The following SLC9A9 variants were observed in gnomAD, a reference collection of about 807,000 sequenced individuals.
SLC9A9 encodes sodium/hydrogen exchanger 9.
A neutral mutation model predicts 77.8 loss-of-function variants in SLC9A9; 62 were observed. The observed-to-expected ratio is 0.80, with a 90% CI of 0.65 to 0.98. The LOEUF is 0.98. SLC9A9 is among the 50% of genes least tolerant of loss of function. The pLI, the probability that SLC9A9 is intolerant of heterozygous loss-of-function variation, is 0.00. For synonymous variants in SLC9A9, 320 were observed against 283.5 expected (o/e 1.13, Z -1.29); for missense variants, 775 against 774.9 (o/e 1.00, Z 0.00).
intron 9 of SLC9A9, among the ~76,000 whole-genome samples, chr3:143,511,961 A>G (rs1247657286): frequency 6.6e-6 from 1 of 152,212 alleles, no homozygotes; most frequent in Non-Finnish European, 1.5e-5. Flanking sequence ...CCTTGTGGTA[A>G]ATCAAACTGA....
At chr3:143,801,865 A>G (rs1457423687) in intron 2 of SLC9A9, among the ~76,000 whole-genome samples, 1 of 152,140 alleles carries the variant, frequency 6.6e-6, no homozygotes, top group Non-Finnish European at 1.5e-5. Flanking sequence ...CTGCACCACC[A>G]TGCTGTTATA....
At chr3:143,565,788 C>T (rs552094190) in intron 8 of SLC9A9, among the ~76,000 whole-genome samples, 4 of 151,992 alleles carry the variant, frequency 2.6e-5, no homozygotes, top group South Asian at 2.1e-4. Context: ...GTTGGATTCA[C>T]CTGGTTCTGT....
intron 12 of SLC9A9, among the ~76,000 whole-genome samples, chr3:143,425,758 G>C (rs2034393179): frequency 6.6e-6 from 1 of 152,146 alleles, no homozygotes; most frequent in East Asian, 1.9e-4. Flanking sequence ...GATAGCCTCT[G>C]ACAAGGCCTT....
intron 13 of SLC9A9, among the ~76,000 whole-genome samples, chr3:143,380,870 C>T (rs1292278435): frequency 6.6e-6 from 1 of 152,178 alleles, no homozygotes; most frequent in East Asian, 1.9e-4. Flanking sequence ...CCAGTTGTGC[C>T]TCATTGATGG....
At chr3:143,641,569 A>G (rs1328271866) in intron 6 of SLC9A9, among the ~76,000 whole-genome samples, 1 of 151,458 alleles carries the variant, frequency 6.6e-6, no homozygotes, top group African/African-American at 2.4e-5. Flanking sequence ...AATTTTTTGT[A>G]TTTTTAGTAG....
At chr3:143,286,226 T>C (rs933367361) in intron 14 of SLC9A9, among the ~76,000 whole-genome samples, 2 of 152,178 alleles carry the variant, frequency 1.3e-5, no homozygotes, top group Non-Finnish European at 1.5e-5. Flanking sequence ...AAGAGTGCTT[T>C]CGAAGGAGGG....
intron 9 of SLC9A9, among the ~76,000 whole-genome samples, chr3:143,516,545 G>A (rs931539527): frequency 2.0e-4 from 31 of 151,980 alleles, no homozygotes; most frequent in African/African-American, 7.3e-4. Flanking sequence ...TGGAAAATTC[G>A]GGTATGCAGC....
chr3:143,699,277 A>G (rs1933728894), intron 4 of SLC9A9, among the ~76,000 whole-genome samples: 1 of 152,198 alleles, frequency 6.6e-6, no homozygotes, highest in Non-Finnish European at 1.5e-5. Flanking sequence ...GGTAGAACAG[A>G]AGGCTCCAGT....
chr3:143,349,202 T>C (rs1298843935), intron 14 of SLC9A9, among the ~76,000 whole-genome samples: 1 of 152,196 alleles, frequency 6.6e-6, no homozygotes, highest in Admixed American at 6.5e-5. Context: ...TTTCAGTCCA[T>C]CACTGAGCTG....
chr3:143,596,343 TACACACACCTGGGTCATTTC>T (rs372752261), intron 6 of SLC9A9, among the ~76,000 whole-genome samples: 3 of 152,364 alleles, frequency 2.0e-5, no homozygotes, highest in South Asian at 2.1e-4. Context: ...CACAGAGAGA[TACACACACCTGGGTCATTTC>T]ATCAGGTATC....
At chr3:143,677,718 G>A (rs1442867287) in intron 5 of SLC9A9, among the ~76,000 whole-genome samples, 1 of 152,000 alleles carries the variant, frequency 6.6e-6, no homozygotes, top group Non-Finnish European at 1.5e-5. Flanking sequence ...AAAATGATAT[G>A]CTGTTACTTT....
intron 5 of SLC9A9, among the ~76,000 whole-genome samples, chr3:143,687,321 C>T (rs866410881): frequency 8.5e-5 from 13 of 152,072 alleles, no homozygotes; most frequent in African/African-American, 3.1e-4. Context: ...GCATAGGTTT[C>T]CTCTCGTAAA....
intron 8 of SLC9A9, among the ~76,000 whole-genome samples, chr3:143,563,531 C>T (rs2037121204): frequency 6.6e-6 from 1 of 152,108 alleles, no homozygotes; most frequent in African/African-American, 2.4e-5. Context: ...ATTGCCTCGT[C>T]CATTGCTTTC....
At chr3:143,576,334 C>T (rs1190603354) in intron 7 of SLC9A9, among the ~76,000 whole-genome samples, 1 of 152,180 alleles carries the variant, frequency 6.6e-6, no homozygotes, top group East Asian at 1.9e-4. Flanking sequence ...GGCTGGCACA[C>T]AGTAACGTTT....
At chr3:143,527,639 G>T (rs1379702001) in intron 9 of SLC9A9, among the ~76,000 whole-genome samples, 1 of 152,114 alleles carries the variant, frequency 6.6e-6, no homozygotes, top group Non-Finnish European at 1.5e-5. Flanking sequence ...TGTAAATCTT[G>T]GTTGGTTCCT....
At chr3:143,645,233 A>G (rs542737413) in intron 6 of SLC9A9, among the ~76,000 whole-genome samples, 2 of 152,326 alleles carry the variant, frequency 1.3e-5, no homozygotes, top group South Asian at 2.1e-4. Flanking sequence ...TGAGGGATGG[A>G]GAAAATTTGC....
At chr3:143,511,607 G>C (rs1213689737) in intron 9 of SLC9A9, among the ~76,000 whole-genome samples, 1 of 152,224 alleles carries the variant, frequency 6.6e-6, no homozygotes, top group Middle Eastern at 3.2e-3. Context: ...TGGCCCAAGA[G>C]GCAGACCACT....
chr3:143,574,244 C>T, intron 7 of SLC9A9, 51 bp from the exon 8 acceptor site: 1 of 1,428,528 alleles, frequency 7.0e-7, no homozygotes, highest in East Asian at 2.3e-5. Flanking sequence ...AGCTACATCT[C>T]CTTCTTGGCT....
chr3:143,805,084 A>G (rs1190969255), intron 2 of SLC9A9, among the ~76,000 whole-genome samples: 2 of 152,228 alleles, frequency 1.3e-5, no homozygotes, highest in African/African-American at 4.8e-5. Flanking sequence ...CAAGCAAGTA[A>G]TTACGCTGAA....
Sources: allele counts gnomAD v4.1 joint callset (sites outside exome capture counted in the v4.1 genomes callset), GRCh38; gene constraint gnomAD v4.1.1; transcripts MANE v1.5; gene names NCBI Gene and HGNC (gene_info 2026-07-23, HGNC 2026-07-21).